Variants in FAM13A observed in about 807,000 individuals in gnomAD.
FAM13A encodes protein FAM13A.
A neutral mutation model predicts 129.6 loss-of-function variants in FAM13A; 76 were observed. The ratio of observed to expected loss-of-function variants is 0.59; its 90% CI spans 0.49 to 0.71. The LOEUF (loss-of-function observed/expected upper bound fraction) is 0.71. Ranked by LOEUF, FAM13A falls within the 30% of genes least tolerant of loss-of-function variation. The pLI is 0.00. For synonymous variants in FAM13A, 443 were observed against 449.9 expected (o/e 0.98, Z 0.20); for missense variants, 1,108 against 1,249.3 (o/e 0.89, Z 1.70).
At chr4:88,958,945 G>C (rs1390739790) in intron 4 of FAM13A, among the ~76,000 whole-genome samples, 1 of 152,196 alleles carries the variant, frequency 6.6e-6, no homozygotes, top group Non-Finnish European at 1.5e-5. Flanking sequence ...CCTGGATGTG[G>C]GACATGAAGT....
At chr4:88,879,434 T>C (rs993358) in intron 6 of FAM13A, among the ~76,000 whole-genome samples, 130,571 of 152,172 alleles carry the variant, frequency 0.86, 56,363 homozygotes, top group East Asian at 0.96. Context: ...ATGTATTATA[T>C]GCACAATCTT....
chr4:89,020,779 C>T, intron 2 of FAM13A, 110 bp from the exon 3 acceptor site: 2 of 693,132 alleles, frequency 2.9e-6, no homozygotes, highest in Non-Finnish European at 5.0e-6. Flanking sequence ...TCTCTCAACA[C>T]TGTAATTATC....
At chr4:88,913,570 A>T (rs1226965998) in intron 5 of FAM13A, among the ~76,000 whole-genome samples, 1 of 152,112 alleles carries the variant, frequency 6.6e-6, no homozygotes, top group Non-Finnish European at 1.5e-5. Flanking sequence ...GAGGAAGAAG[A>T]AGAAAAAAGA....
intron 22 of FAM13A, 180 bp downstream of exon 22, chr4:88,731,822 T>C (rs1458331200): frequency 1.8e-6 from 1 of 554,022 alleles, no homozygotes. Context: ...TTCCCTCAAA[T>C]AACATGGGCT....
chr4:88,910,718 C>T (rs1328878677), intron 5 of FAM13A, among the ~76,000 whole-genome samples: 4 of 151,174 alleles, frequency 2.6e-5, no homozygotes, highest in Non-Finnish European at 5.9e-5. Context: ...GGTGCCATCT[C>T]AGCTCACTGC....
chr4:88,730,415 C>G, intron 23 of FAM13A, among the ~76,000 whole-genome samples: 1 of 152,104 alleles, frequency 6.6e-6, no homozygotes, highest in East Asian at 1.9e-4. Context: ...TTTTTTGAGA[C>G]GAAGTCTTGC....
chr4:88,970,894 C>T (rs1259511015), intron 4 of FAM13A, among the ~76,000 whole-genome samples: 1 of 152,096 alleles, frequency 6.6e-6, no homozygotes, highest in Non-Finnish European at 1.5e-5. Context: ...TGATCAAAGC[C>T]ATAAATTAGT....
chr4:88,784,209 C>T (rs1349936914), intron 10 of FAM13A, among the ~76,000 whole-genome samples: 2 of 152,148 alleles, frequency 1.3e-5, no homozygotes, highest in Non-Finnish European at 2.9e-5. Context: ...TTCTACTTCA[C>T]TTTGTTGAAC....
chr4:89,040,766 G>A (rs1284332224), intron 1 of FAM13A, among the ~76,000 whole-genome samples: 1 of 152,208 alleles, frequency 6.6e-6, no homozygotes, highest in Non-Finnish European at 1.5e-5. Context: ...ATTGAAGGAT[G>A]CAAAGTATTG....
At chr4:88,808,975 T>A (rs1363651374) in intron 7 of FAM13A, among the ~76,000 whole-genome samples, 1 of 152,158 alleles carries the variant, frequency 6.6e-6, no homozygotes, top group Non-Finnish European at 1.5e-5. Context: ...TAGATATTTT[T>A]ATCTACGTTT....
chr4:88,814,518 G>A (rs114940015), intron 7 of FAM13A, among the ~76,000 whole-genome samples: 2,683 of 152,248 alleles, frequency 0.018, 76 homozygotes, highest in African/African-American at 0.062. Flanking sequence ...TGACACTGGA[G>A]AAACAGGCAG....
At chr4:88,906,761 T>TA (rs1418879257) in intron 5 of FAM13A, among the ~76,000 whole-genome samples, 1 of 152,234 alleles carries the variant, frequency 6.6e-6, no homozygotes, top group African/African-American at 2.4e-5. Context: ...ACATATCCAG[T>TA]ATAGACAGCT....
intron 11 of FAM13A, among the ~76,000 whole-genome samples, chr4:88,778,030 C>A (rs1159571336): frequency 2.6e-5 from 4 of 152,184 alleles, no homozygotes; most frequent in African/African-American, 9.7e-5. Flanking sequence ...TCCCCATTCT[C>A]TGCCTCAAGG....
chr4:88,747,903 A>T (rs1204853971), intron 17 of FAM13A, 52 bp from the exon 18 acceptor site: 1 of 1,318,718 alleles, frequency 7.6e-7, no homozygotes, highest in South Asian at 1.3e-5. Context: ...TTATTTATTT[A>T]TTTTGAGATG....
intron 4 of FAM13A, among the ~76,000 whole-genome samples, chr4:88,968,634 T>G (rs1273642056): frequency 2.0e-5 from 3 of 152,334 alleles, no homozygotes; most frequent in Non-Finnish European, 4.4e-5. Context: ...CCAAAAGTGT[T>G]TTGGACGTTT....
At position 88,961,429 on chromosome 4, in the gene FAM13A, A is replaced by G. The variant is rs181587255; in HGVS notation, c.606-23188T>C. On this transcript the variant is annotated intron_variant, in intron 4 of 23. Transcript: ENST00000264344. ...GTCATCCAGGCTGGAGTGCAATGGC[A>G]TGATCTCAGTTCATTGCAACCTCCA... 2.3e-3 allele frequency among the ~76,000 whole-genome samples: 275 copies of G among 121,714 alleles called. 2 individuals carry two copies. Among genetic ancestry groups the G allele is most frequent in the African/African-American group, 8.4e-3 (261 of 30,978 alleles). 79.8% of individuals were successfully genotyped at this position (121,714 alleles called of 152,430 possible). A position where few individuals can be genotyped will look rare whatever the true frequency, so the allele number is the denominator to read the frequency against.
chr4:88,849,911 C>T (rs575427382), intron 7 of FAM13A, among the ~76,000 whole-genome samples: 1 of 152,268 alleles, frequency 6.6e-6, no homozygotes, highest in South Asian at 2.1e-4. Flanking sequence ...TCCAAAATAC[C>T]TGTTATACCT....
intron 5 of FAM13A, among the ~76,000 whole-genome samples, chr4:88,920,418 G>A (rs1156926666): frequency 1.1e-4 from 16 of 152,188 alleles, no homozygotes; most frequent in African/African-American, 3.4e-4. Flanking sequence ...TGCAGCCACC[G>A]CTGCTGATAC....
chr4:88,934,629 C>T (rs1380112299), intron 5 of FAM13A, among the ~76,000 whole-genome samples: 2 of 152,186 alleles, frequency 1.3e-5, no homozygotes, highest in Admixed American at 6.5e-5. Context: ...ATGTGCTTCT[C>T]CTAACCCAGT....
Sources: gnomAD v4.1 joint callset for allele counts (sites outside exome capture counted in the v4.1 genomes callset) on GRCh38, gnomAD v4.1.1 for gene constraint, MANE v1.5 for transcripts, NCBI Gene and HGNC (gene_info 2026-07-23, HGNC 2026-07-21) for gene names.